The following PCDHGA2 variants were observed in gnomAD, a reference collection of about 807,000 sequenced individuals.
PCDHGA2 encodes the protein protocadherin gamma-A2.
A neutral mutation model predicts 59.2 loss-of-function variants in PCDHGA2; 40 were observed. That is an observed-to-expected ratio of 0.68 (90% CI 0.52 to 0.88). PCDHGA2 has a LOEUF of 0.88. Among genes scored for constraint, PCDHGA2 ranks in the 40% least tolerant of loss-of-function variants. The pLI, the probability that PCDHGA2 is intolerant of heterozygous loss-of-function variation, is 0.00. For synonymous variants in PCDHGA2, 560 were observed against 526.0 expected (o/e 1.06, Z -0.89); for missense variants, 1,226 against 1,204.0 (o/e 1.02, Z -0.27).
At chr5:141,344,387 A>G (rs189385307) in intron 1 of PCDHGA2, 2 of 1,612,396 alleles carry the variant, frequency 1.2e-6, no homozygotes, top group East Asian at 2.2e-5. Context: ...AAATTTTTGA[A>G]GTAGAAATAG....
intron 1 of PCDHGA2, among the ~76,000 whole-genome samples, chr5:141,475,532 T>C (rs1011968434): frequency 6.6e-6 from 1 of 152,228 alleles, no homozygotes; most frequent in East Asian, 1.9e-4. Context: ...AAATGCCTCC[T>C]TACAAGTAGG....
intron 1 of PCDHGA2, chr5:141,383,348 T>C: frequency 6.2e-7 from 1 of 1,613,946 alleles, no homozygotes; most frequent in Admixed American, 1.7e-5. Context: ...GCTCCTGGGG[T>C]TCGGTTTCCG....
At chr5:141,385,182 G>C (rs374159387) in intron 1 of PCDHGA2, 1 of 1,614,138 alleles carries the variant, frequency 6.2e-7, no homozygotes, top group African/African-American at 1.3e-5. Context: ...CCCTCACCGC[G>C]GACTCTCGGA....
chr5:141,356,212 C>G, intron 1 of PCDHGA2: 1 of 1,604,368 alleles, frequency 6.2e-7, no homozygotes. Flanking sequence ...GGTGACAGTT[C>G]TGGATGAAAA....
At chr5:141,344,176 T>C (rs751095809) in intron 1 of PCDHGA2, 5 of 1,613,978 alleles carry the variant, frequency 3.1e-6, no homozygotes, top group Admixed American at 1.7e-5. Flanking sequence ...GTGGGCAACA[T>C]CGCTAACGAC....
intron 1 of PCDHGA2, chr5:141,356,861 A>C (rs754992858): frequency 1.2e-5 from 20 of 1,614,030 alleles, no homozygotes; most frequent in Non-Finnish European, 1.7e-5. Context: ...TTTGTGCTGG[A>C]CCAGAACGAC....
intron 1 of PCDHGA2, chr5:141,478,786 C>T: frequency 6.8e-7 from 1 of 1,480,998 alleles, no homozygotes; most frequent in Non-Finnish European, 9.0e-7. Context: ...ACCTAATTCA[C>T]ATCCTCAGCA....
chr5:141,388,710 G>A (rs756980821), intron 1 of PCDHGA2: 3 of 1,613,966 alleles, frequency 1.9e-6, no homozygotes, highest in Non-Finnish European at 8.5e-7. Flanking sequence ...TGTCAATGCC[G>A]AGATTACTTT....
chr5:141,370,302 A>G, intron 1 of PCDHGA2: 1 of 1,187,592 alleles, frequency 8.4e-7, no homozygotes, highest in Non-Finnish European at 1.2e-6. Flanking sequence ...GCACAAAGAC[A>G]AAGCAAATAG....
intron 1 of PCDHGA2, chr5:141,375,076 G>T: frequency 6.2e-7 from 1 of 1,614,010 alleles, no homozygotes; most frequent in Non-Finnish European, 8.5e-7. Flanking sequence ...GAGACAGAGC[G>T]AAAGTCTTAA....
chr5:141,375,994 G>A lies in PCDHGA2; in HGVS notation c.2424+34599G>A, dbSNP rs553803944. ...CGCGCGCCCTGCTGGACAGAGACGC[G>A]CTCAAGCAGAGCCTAGTGGTGGCCG... On this transcript the variant is annotated intron_variant, in intron 1 of 3. Coordinates refer to ENST00000394576, the MANE Select transcript of PCDHGA2 (RefSeq NM_018915.4). The A allele has an allele frequency of 2.5e-6, 4 of 1,613,410 alleles. No individual in the cohort carries two copies. The South Asian group carries it at 3.3e-5, about 13-fold the overall frequency.
intron 1 of PCDHGA2, among the ~76,000 whole-genome samples, chr5:141,438,613 TATATATATATATATATATATATACAC>T (rs1192023297): frequency 0.026 from 946 of 36,486 alleles, 27 homozygotes; most frequent in African/African-American, 0.12. Flanking sequence ...TATATATATA[TATATATATATATATATATATATACAC>T]ACACACACAC....
At position 141,354,371 on chromosome 5, in the gene PCDHGA2, C is replaced by CA. The variant is rs569846378; in HGVS notation, c.2424+12977dup. Among the ~76,000 whole-genome samples the CA allele has an allele frequency of 7.9e-4, 120 of 152,302 alleles. 1 individual carries two copies. Among genetic ancestry groups the CA allele is most frequent in the African/African-American group, 2.5e-3 (105 of 41,576 alleles). On this transcript the variant is annotated intron_variant, in intron 1 of 3. Coordinates refer to ENST00000394576, the MANE Select transcript of PCDHGA2 (RefSeq NM_018915.4). ...GAGAACACATTGTGAACAAGATAGTCATATGCATAGCTTGTGGCCAAGAAT... is the reference window on the plus strand; with the variant it reads ...GAGAACACATTGTGAACAAGATAGTCAATATGCATAGCTTGTGGCCAAGAAT...
rs1271734477 is a variant in PCDHGA2 at position 141,341,272 on chromosome 5, C to T, written c.2301C>T (p.His767=). ...TCACTGCGGACTCGCGGAAGAGCCA[C>T]CTGATTTTCCCCCAGCCCAACTATG... ...VSLTADSRKS[H]LIFPQPNYAD... is the part of the protein sequence containing the mutation. Residue 767 remains histidine (H), a synonymous_variant, in exon 1 of 4, where the codon CAC becomes CAT. Transcript: ENST00000394576. 2.1e-5 allele frequency: 34 copies of T among 1,614,112 alleles called. No homozygotes were observed. Among genetic ancestry groups the T allele is most frequent in the Non-Finnish European group, 2.8e-5 (33 of 1,180,052 alleles).
At chr5:141,362,751 C>T (rs1293273265) in intron 1 of PCDHGA2, 5 of 673,946 alleles carry the variant, frequency 7.4e-6, no homozygotes, top group African/African-American at 1.8e-5. Context: ...TGATTGCAAA[C>T]CTTTATCACA....
intron 1 of PCDHGA2, chr5:141,372,016 CGCTCAGCGCCAACGTGA>C (rs1768310600): frequency 6.2e-7 from 1 of 1,613,256 alleles, no homozygotes; most frequent in Non-Finnish European, 8.5e-7. Flanking sequence ...GGCTCGCCTA[CGCTCAGCGCCAACGTGA>C]GCCTGCGCGT....
rs1419985074 is a variant in PCDHGA2, at chr5:141,431,009, T to C, written c.2425-63798T>C. On this transcript the variant is annotated intron_variant, in intron 1 of 3. Transcript: ENST00000394576. The surrounding 1 kb of genome is among the most constrained non-coding windows in gnomAD (Gnocchi z 4.8). ...CGCCCTGAATCCGCGCAGCGGCAGC[T>C]TGGTCACGGCGGGCAGGATAGACCG... The C allele has an allele frequency of 3.7e-6, 6 of 1,613,884 alleles. No individual in the cohort carries two copies. Among genetic ancestry groups the C allele is most frequent in the Non-Finnish European group, 5.1e-6 (6 of 1,179,984 alleles).
Position 141,341,140 on chromosome 5 carries a change from C to G in PCDHGA2, c.2169C>G (p.Arg723=). The G allele has an allele frequency of 1.2e-6, 2 of 1,612,344 alleles. No homozygotes were observed. Among genetic ancestry groups the G allele is most frequent in the East Asian group, 2.2e-5 (1 of 44,878 alleles). ...AHRLRRWHKS[R]LLQASGGSLT... ...GGCTGCGGCGCTGGCACAAGTCACG[C>G]CTGCTGCAGGCTTCAGGAGGCAGCT... Residue 723 remains arginine (R), a synonymous_variant, in exon 1 of 4, where the codon CGC becomes CGG. Coordinates refer to ENST00000394576, the MANE Select transcript of PCDHGA2 (RefSeq NM_018915.4).
chr5:141,490,993 C>G lies in PCDHGA2; in HGVS notation c.2425-3814C>G, dbSNP rs746618787. 1.9e-6 allele frequency: 3 copies of G among 1,614,140 alleles called. No individual in the cohort carries two copies. Among genetic ancestry groups the G allele is most frequent in the Non-Finnish European group, 2.5e-6 (3 of 1,180,030 alleles). On this transcript the variant is annotated intron_variant, in intron 1 of 3. Coordinates refer to ENST00000394576, the MANE Select transcript of PCDHGA2 (RefSeq NM_018915.4). The surrounding 1 kb of genome is among the most constrained non-coding windows in gnomAD (Gnocchi z 5.4). ...CCAGCGTCTCCCTCGCTCTGCTCCT[C>G]CTGGCTCCTTGGTCACCAAGGTGAC...
Sources: gnomAD v4.1 joint callset for allele counts (sites outside exome capture counted in the v4.1 genomes callset) on GRCh38, gnomAD v4.1.1 for gene constraint, Gnocchi (gnomAD v3.1) non-coding constraint, MANE v1.5 for transcripts, NCBI Gene and HGNC (gene_info 2026-07-23, HGNC 2026-07-21) for gene names.